The following PIP5K1B variants were observed in gnomAD, a reference collection of about 807,000 sequenced individuals.
PIP5K1B encodes the protein phosphatidylinositol-4-phosphate 5-kinase type 1 beta.
Under a neutral mutation model 67.0 loss-of-function variants are expected in PIP5K1B, and 42 were observed. The ratio of observed to expected loss-of-function variants is 0.63; its 90% CI spans 0.49 to 0.81. The LOEUF is 0.81. PIP5K1B is among the 30% of genes least tolerant of loss of function. The pLI is 0.00. For synonymous variants in PIP5K1B, 214 were observed against 231.4 expected (o/e 0.92, Z 0.68); for missense variants, 459 against 646.3 (o/e 0.71, Z 3.14).
At chr9:68,980,860 TAGG>T (rs1019499779) in intron 14 of PIP5K1B, among the ~76,000 whole-genome samples, 7 of 152,002 alleles carry the variant, frequency 4.6e-5, no homozygotes, top group African/African-American at 4.8e-5. Context: ...TAAGCAAACT[TAGG>T]GGGCAAAAAA....
At chr9:68,789,848 T>C (rs1201321427) in intron 2 of PIP5K1B, among the ~76,000 whole-genome samples, 1 of 152,208 alleles carries the variant, frequency 6.6e-6, no homozygotes, top group Non-Finnish European at 1.5e-5. Flanking sequence ...TGATGCTTGC[T>C]CCACCTTATG....
At chr9:69,002,587 A>G (rs1830871087) in intron 15 of PIP5K1B, among the ~76,000 whole-genome samples, 1 of 152,170 alleles carries the variant, frequency 6.6e-6, no homozygotes, top group Non-Finnish European at 1.5e-5. Flanking sequence ...CCAATAGAGG[A>G]TAGATATGAA....
intron 2 of PIP5K1B, chr9:68,782,981 C>G (rs1831385158): frequency 6.0e-6 from 1 of 167,070 alleles, no homozygotes; most frequent in Non-Finnish European, 1.5e-5. Context: ...AAATGAATCT[C>G]AAATTTCTTC....
chr9:68,733,784 T>G (rs1828581943), intron 1 of PIP5K1B, among the ~76,000 whole-genome samples: 1 of 151,844 alleles, frequency 6.6e-6, no homozygotes. Flanking sequence ...GGACTACAGG[T>G]GCAGGCTACC....
At chr9:68,934,811 T>C (rs1042327432) in intron 12 of PIP5K1B, 79 bp from the exon 13 acceptor site, 1 of 984,072 alleles carries the variant, frequency 1.0e-6, no homozygotes, top group Admixed American at 3.3e-5. Context: ...TAATAAATAA[T>C]AAAATATTCA....
rs115503929 is a variant in PIP5K1B at position 68,946,203 on chromosome 9, T to C, written c.1502+5413T>C. Among the ~76,000 whole-genome samples, 902 of 152,300 alleles carry C rather than the reference T, an allele frequency of 5.9e-3. 8 individuals are homozygous for C. The highest frequency in any genetic ancestry group is 0.021 in the African/African-American group (860 of 41,574). On this transcript the variant is annotated intron_variant, in intron 14 of 15. Coordinates refer to ENST00000265382, the MANE Select transcript of PIP5K1B (RefSeq NM_003558.4). ...AGAACAGCTAGTTGCAAAAACTTCC[T>C]AGTGATTCCATTCCCCTAACCCTAA...
intron 2 of PIP5K1B, chr9:68,788,474 T>TTTTTGTTTTG (rs71353082): frequency 0.11 from 31,809 of 291,380 alleles, 2,518 homozygotes; most frequent in East Asian, 0.28. Context: ...ATCAGGAAGG[T>TTTTTGTTTTG]TTTTGTTTTG....
At chr9:68,959,668 G>T (rs1828608699) in intron 14 of PIP5K1B, among the ~76,000 whole-genome samples, 1 of 152,088 alleles carries the variant, frequency 6.6e-6, no homozygotes, top group Admixed American at 6.5e-5. Context: ...CTATTAGATT[G>T]TAATTTACCT....
At chr9:68,971,272 G>A (rs1453343945) in intron 14 of PIP5K1B, among the ~76,000 whole-genome samples, 1 of 152,134 alleles carries the variant, frequency 6.6e-6, no homozygotes, top group Non-Finnish European at 1.5e-5. Flanking sequence ...GTGTTAGTTT[G>A]CTGAGAATGA....
rs755516679 is a variant in PIP5K1B at position 68,780,951 on chromosome 9, A to G, written c.-85-37510A>G. On this transcript the variant is annotated intron_variant, in intron 2 of 15. Coordinates refer to ENST00000265382, the MANE Select transcript of PIP5K1B (RefSeq NM_003558.4). Reference sequence around the variant, plus strand: ...TTGTAACTCACCAGCGAAAGTCAGCACTACCACCGACTCTCCTGTGTCACC... The same window carrying G: ...TTGTAACTCACCAGCGAAAGTCAGCGCTACCACCGACTCTCCTGTGTCACC... The G allele has an allele frequency of 4.3e-6, 7 of 1,614,168 alleles. No individual in the cohort carries two copies. In the Admixed American group the frequency reaches 5.0e-5, roughly 12 times the overall value.
intron 11 of PIP5K1B, among the ~76,000 whole-genome samples, chr9:68,922,419 G>A (rs1007788408): frequency 9.9e-5 from 14 of 140,868 alleles, no homozygotes; most frequent in African/African-American, 3.4e-4. Context: ...GCCGAGATCC[G>A]CCACTGCACT....
chr9:68,738,834 C>T (rs910960191), intron 1 of PIP5K1B, among the ~76,000 whole-genome samples: 7 of 152,182 alleles, frequency 4.6e-5, no homozygotes, highest in East Asian at 3.8e-4. Flanking sequence ...ACATTTTCAA[C>T]GCTTCAATCC....
intron 1 of PIP5K1B, among the ~76,000 whole-genome samples, chr9:68,735,794 T>C (rs1412646147): frequency 6.6e-6 from 1 of 152,152 alleles, no homozygotes; most frequent in Non-Finnish European, 1.5e-5. Flanking sequence ...CTGTTACTTA[T>C]ATACAGCAGT....
intron 4 of PIP5K1B, among the ~76,000 whole-genome samples, chr9:68,825,669 C>T (rs573491188): frequency 6.2e-4 from 94 of 152,280 alleles, no homozygotes; most frequent in African/African-American, 2.2e-3. Flanking sequence ...CAGGTTAAGG[C>T]CCCTGGTCCT....
rs569351582 is a variant in PIP5K1B, at chr9:68,792,429, A to C, written c.-85-26032A>C. 2.6e-5 allele frequency among the ~76,000 whole-genome samples: 4 copies of C among 151,936 alleles called. No individual in the cohort carries two copies. In the South Asian group the frequency reaches 8.4e-4, roughly 32 times the overall value. On this transcript the variant is annotated intron_variant, in intron 2 of 15. Coordinates refer to ENST00000265382, the MANE Select transcript of PIP5K1B (RefSeq NM_003558.4). Reference sequence around the variant, plus strand: ...TTAGAAATTCATTCAACAAGCATTTATTCAGCATTTACTGTGGCACATGTG... The same window carrying C: ...TTAGAAATTCATTCAACAAGCATTTCTTCAGCATTTACTGTGGCACATGTG...
intron 2 of PIP5K1B, among the ~76,000 whole-genome samples, chr9:68,766,030 A>G (rs776660351): frequency 2.6e-5 from 4 of 152,206 alleles, no homozygotes; most frequent in Non-Finnish European, 5.9e-5. Context: ...TTAAATTTCC[A>G]TTAGTAGATA....
intron 2 of PIP5K1B, among the ~76,000 whole-genome samples, chr9:68,759,769 A>C (rs1013861623): frequency 2.6e-5 from 4 of 152,122 alleles, no homozygotes; most frequent in Non-Finnish European, 2.9e-5. Flanking sequence ...GTGGAATCTC[A>C]TTACTTTTTA....
rs1036600571 is a variant in PIP5K1B at position 68,737,972 on chromosome 9, T to A, written c.-242-4529T>A. 7.2e-5 allele frequency among the ~76,000 whole-genome samples: 11 copies of A among 152,312 alleles called. No homozygotes were observed. The South Asian group carries it at 1.0e-3, about 14-fold the overall frequency. On this transcript the variant is annotated intron_variant, in intron 1 of 15. Transcript: ENST00000265382. ...TCTCCTTACGCACATAATAGAGAGA[T>A]GTTGGAGGATGACAGAATAATGCAA...
intron 4 of PIP5K1B, among the ~76,000 whole-genome samples, chr9:68,847,751 C>G (rs1341024160): frequency 6.6e-6 from 1 of 151,956 alleles, no homozygotes; most frequent in Non-Finnish European, 1.5e-5. Context: ...TGACTTTGGC[C>G]CTGACCCATC....
Sources: allele counts gnomAD v4.1 joint callset (sites outside exome capture counted in the v4.1 genomes callset), GRCh38; gene constraint gnomAD v4.1.1; transcripts MANE v1.5; gene names NCBI Gene and HGNC (gene_info 2026-07-23, HGNC 2026-07-21).